Variants in METTL21C observed in about 807,000 individuals in gnomAD.
METTL21C encodes the protein protein-lysine methyltransferase METTL21C.
A neutral mutation model predicts 25.9 loss-of-function variants in METTL21C; 21 were observed. The observed-to-expected ratio is 0.81, with a 90% confidence interval of 0.58 to 1.17. The LOEUF is 1.17. Among genes scored for constraint, METTL21C ranks in the 50% most tolerant of loss-of-function variants. The probability of loss-of-function intolerance (pLI) is 0.00; values close to 1 mark genes in which losing one functional copy is unlikely to be tolerated. For synonymous variants in METTL21C, 125 were observed against 124.7 expected (o/e 1.00, Z -0.01); for missense variants, 312 against 315.1 (o/e 0.99, Z 0.07).
At position 102,685,762 on chromosome 13, in the gene METTL21C, A is replaced by G. The variant is rs537185072; in HGVS notation, c.*269T>C. On this transcript the variant is annotated 3_prime_UTR_variant, in exon 4 of 4. Transcript: ENST00000267273. ...AATTCACTTATTACTTTATCCATGT[A>G]AGATTTATTAAACATGTAACTTCGT... 256 of 350,184 alleles carry G rather than the reference A, an allele frequency of 7.3e-4. 1 individual carries two copies. Among genetic ancestry groups the G allele is most frequent in the Middle Eastern group, 8.1e-4 (1 of 1,234 alleles). The allele number at this position is 350,184 out of a possible 1,614,324, so 21.7% of individuals were successfully genotyped here.
chr13:102,692,389 G>C (rs1299486547), intron 1 of METTL21C, among the ~76,000 whole-genome samples: 1 of 152,190 alleles, frequency 6.6e-6, no homozygotes, highest in Admixed American at 6.5e-5. Context: ...CAGCTCCACA[G>C]TAAGTAGAGG....
intron 2 of METTL21C, among the ~76,000 whole-genome samples, chr13:102,687,559 G>A (rs1396948826): frequency 2.6e-5 from 4 of 152,206 alleles, no homozygotes; most frequent in African/African-American, 4.8e-5. Flanking sequence ...GCCGTATTGA[G>A]CGACGGGTTA....
At chr13:102,699,270 G>T (rs990490782), upstream of METTL21C, among the ~76,000 whole-genome samples, 1 of 152,158 alleles carries the variant, frequency 6.6e-6, no homozygotes, top group African/African-American at 2.4e-5. Flanking sequence ...GTCTCCTCCA[G>T]CTATTGCAAC....
At chr13:102,693,238 A>T (rs1885873859) in intron 1 of METTL21C, among the ~76,000 whole-genome samples, 1 of 152,240 alleles carries the variant, frequency 6.6e-6, no homozygotes, top group South Asian at 2.1e-4. Context: ...AGTGTTTATC[A>T]ACTTTGCTTT....
chr13:102,691,702 GA>G (rs1322007972), intron 1 of METTL21C, among the ~76,000 whole-genome samples: 1 of 152,170 alleles, frequency 6.6e-6, no homozygotes, highest in Non-Finnish European at 1.5e-5. Context: ...GTGTTGGCTG[GA>G]GCATGTTCCT....
chr13:102,688,977 T>C (rs1885753509), intron 2 of METTL21C, among the ~76,000 whole-genome samples: 1 of 152,226 alleles, frequency 6.6e-6, no homozygotes. Flanking sequence ...GCCCTTCTTG[T>C]GCAGCTTTCA....
At chr13:102,692,179 G>C (rs907707928) in intron 1 of METTL21C, among the ~76,000 whole-genome samples, 1 of 152,212 alleles carries the variant, frequency 6.6e-6, no homozygotes, top group Non-Finnish European at 1.5e-5. Context: ...GTGAACATTG[G>C]AAGTGTTTTA....
intron 2 of METTL21C, among the ~76,000 whole-genome samples, chr13:102,687,786 A>AT (rs1172413465): frequency 6.6e-6 from 1 of 152,196 alleles, no homozygotes; most frequent in Non-Finnish European, 1.5e-5. Flanking sequence ...TAGCAAGCAG[A>AT]TTTTTTTAAA....
upstream of METTL21C, among the ~76,000 whole-genome samples, chr13:102,699,560 C>T (rs1348514708): frequency 6.6e-6 from 1 of 152,138 alleles, no homozygotes; most frequent in East Asian, 1.9e-4. Flanking sequence ...ACCATGCCTA[C>T]TTATAAGGGA....
rs367866682 is a variant in METTL21C at position 102,686,393 on chromosome 13, C to T, written c.433G>A (p.Val145Ile). 6 of 1,613,310 alleles carry T rather than the reference C, an allele frequency of 3.7e-6. No homozygotes were observed. In the African/African-American group the frequency reaches 5.3e-5, roughly 14 times the overall value. ...AGATTGTATTGAAGGTTTCCCAGGA[C>T]ATCAGGCAAATCTGTTGCTGTGACT... The part of the protein sequence containing the change: ...AQVTATDLPD[V>I]LGNLQYNLLK... Residue 145 changes from valine to isoleucine, a missense_variant, in exon 4 of 4, where the codon GTC becomes ATC. Coordinates refer to ENST00000267273, the MANE Select transcript of METTL21C (RefSeq NM_001010977.3).
intron 2 of METTL21C, among the ~76,000 whole-genome samples, chr13:102,688,321 G>A (rs913106473): frequency 1.3e-5 from 2 of 152,224 alleles, no homozygotes; most frequent in Non-Finnish European, 2.9e-5. Context: ...GGGCAAAGAT[G>A]AATATGACGC....
chr13:102,702,648 C>T, the METTL21C span, among the ~76,000 whole-genome samples: 2 of 151,188 alleles, frequency 1.3e-5, no homozygotes, highest in Admixed American at 6.6e-5. Context: ...AGTGCAATGG[C>T]GCAATCTCCA....
upstream of METTL21C, among the ~76,000 whole-genome samples, chr13:102,699,071 C>A (rs540019844): frequency 6.6e-6 from 1 of 152,160 alleles, no homozygotes; most frequent in African/African-American, 2.4e-5. Context: ...TTGTGGGAAG[C>A]CTTGCACCAA....
At chr13:102,697,087 T>C (rs1180461187), upstream of METTL21C, among the ~76,000 whole-genome samples, 1 of 152,082 alleles carries the variant, frequency 6.6e-6, no homozygotes, top group Non-Finnish European at 1.5e-5. Flanking sequence ...TTCTAACAAG[T>C]AGAACAATGG....
rs781145769 is a variant in METTL21C at position 102,686,938 on chromosome 13, A to T, written c.400+2T>A. 13 of 1,610,624 alleles carry T rather than the reference A, an allele frequency of 8.1e-6. No individual in the cohort carries two copies. The highest frequency in any genetic ancestry group is 1.0e-5 in the Non-Finnish European group (12 of 1,176,974). The stretch of plus-strand genomic sequence containing the variant: ...TACTAGGTCAGGAATAAACAAACAA[A>T]CCTAAAATACTGGCCACAATGGAAA... On this transcript the variant is annotated splice_donor_variant, in intron 3 of 3. Transcript: ENST00000267273. LOFTEE classifies it high-confidence loss of function.
chr13:102,691,058 A>G (rs1162270230), intron 1 of METTL21C, 94 bp from the exon 2 acceptor site: 15 of 1,392,760 alleles, frequency 1.1e-5, no homozygotes, highest in African/African-American at 2.9e-5. Context: ...ATTAGATTGA[A>G]TGACCTTTAC....
upstream of METTL21C, among the ~76,000 whole-genome samples, chr13:102,696,662 C>T (rs1885951510): frequency 6.6e-6 from 1 of 152,144 alleles, no homozygotes; most frequent in Non-Finnish European, 1.5e-5. Context: ...AAATGCTGGA[C>T]TTACCTGTAG....
chr13:102,694,873 T>TCTC lies in METTL21C; in HGVS notation c.-376_-375insGAG, dbSNP rs1885916960. 7.0e-5 allele frequency among the ~76,000 whole-genome samples: 9 copies of TCTC among 128,300 alleles called. No homozygotes were observed. Among genetic ancestry groups the TCTC allele is most frequent in the African/African-American group, 2.4e-4 (8 of 33,776 alleles). 84.2% of individuals were successfully genotyped at this position (128,300 alleles called of 152,430 possible). On this transcript the variant is annotated 5_prime_UTR_variant, in exon 1 of 4. Coordinates refer to ENST00000267273, the MANE Select transcript of METTL21C (RefSeq NM_001010977.3). ...ATTACTTTGCTAGAATTCTCTCTCT[T>TCTC]TCTCTCTCTCTCTCTCTCTCTCTCT...
chr13:102,689,552 AG>A (rs1181947057), intron 2 of METTL21C, among the ~76,000 whole-genome samples: 33 of 152,214 alleles, frequency 2.2e-4, no homozygotes, highest in Admixed American at 2.1e-3. Context: ...CCCAGCAGAT[AG>A]GCATCACCCC....
Sources: allele counts gnomAD v4.1 joint callset (sites outside exome capture counted in the v4.1 genomes callset), GRCh38; gene constraint gnomAD v4.1.1; transcripts MANE v1.5; gene names NCBI Gene and HGNC (gene_info 2026-07-23, HGNC 2026-07-21).